ANKS1A: variants seen among roughly 807,000 people sequenced by gnomAD.
ANKS1A encodes ankyrin repeat and SAM domain-containing protein 1A.
ANKS1A carries 55 observed loss-of-function variants against 120.3 expected under a neutral mutation model. The observed-to-expected ratio is 0.46, with a 90% CI of 0.37 to 0.57. The LOEUF is 0.57. Among genes scored for constraint, ANKS1A ranks in the 20% least tolerant of loss-of-function variants. The pLI, the probability that ANKS1A is intolerant of heterozygous loss-of-function variation, is 0.00. For missense variants in ANKS1A, 1,123 were observed against 1,480.3 expected (o/e 0.76, Z 3.96); for synonymous variants, 590 against 604.7 (o/e 0.98, Z 0.36).
rs1281200587 is a variant in ANKS1A, at chr6:35,036,467, G to C, written c.2011-17632G>C. Among the ~76,000 whole-genome samples, 5 of 152,248 alleles carry C rather than the reference G, an allele frequency of 3.3e-5. No homozygotes were observed. The East Asian group carries it at 9.6e-4, about 29-fold the overall frequency. ...GGATGTGACCTACTCAGAGTCTCAC[G>C]AGACCTTTGACAGCGCCCAAACCTC... On this transcript the variant is annotated intron_variant, in intron 11 of 23. Transcript: ENST00000360359.
intron 1 of ANKS1A, among the ~76,000 whole-genome samples, chr6:34,936,104 G>A (rs112593938): frequency 0.011 from 1,648 of 151,480 alleles, 32 homozygotes; most frequent in African/African-American, 0.037. Context: ...TCCTGGTGAA[G>A]TGGTGGTGAG....
chr6:34,990,048 A>C (rs550245781), intron 9 of ANKS1A, among the ~76,000 whole-genome samples: 115 of 152,342 alleles, frequency 7.5e-4, no homozygotes, highest in African/African-American at 2.6e-3. Flanking sequence ...TTTGTAGCTC[A>C]TTCAATGCCC....
intron 11 of ANKS1A, among the ~76,000 whole-genome samples, chr6:35,025,937 C>A (rs1774604085): frequency 6.6e-6 from 1 of 152,148 alleles, no homozygotes; most frequent in Admixed American, 6.5e-5. Flanking sequence ...AGCAAGAGGG[C>A]ACCATCAAGC....
In ANKS1A at chr6:34,889,650, C is replaced by G; in HGVS notation, c.197+51C>G. ...CTGCCTGCAGACCCTTTCTCCCCCA[C>G]CCGTCTCTTGGGTCCCCAGAGAGAT... On this transcript the variant is annotated intron_variant, in intron 1 of 23. Coordinates refer to ENST00000360359, the MANE Select transcript of ANKS1A (RefSeq NM_015245.3). This position sits in a 1 kb window ranked among gnomAD's most constrained non-coding sequence, Gnocchi z 5.5. 7.9e-7 allele frequency: 1 copy of G among 1,258,506 alleles called. No homozygotes were observed. Among genetic ancestry groups the G allele is most frequent in the Non-Finnish European group, 1.0e-6 (1 of 1,002,976 alleles). 78.0% of individuals were successfully genotyped at this position (1,258,506 alleles called of 1,614,324 possible).
chr6:35,080,787 G>A (rs1777627235), intron 16 of ANKS1A, among the ~76,000 whole-genome samples: 2 of 152,108 alleles, frequency 1.3e-5, no homozygotes, highest in African/African-American at 4.8e-5. Context: ...ATGCAAAAGT[G>A]GCTTCCCCGC....
chr6:35,084,268 G>A lies in ANKS1A; in HGVS notation c.3132+10G>A, dbSNP rs1403732962. On this transcript the variant is annotated intron_variant, in intron 21 of 23. Transcript: ENST00000360359. The surrounding 1 kb of genome is among the most constrained non-coding windows in gnomAD (Gnocchi z 4.8). ...CAGCACCGTGGATGTGGTGGGTGGG[G>A]TCCTGGGGCCGGGTGGGGCAGGCTT... The A allele has an allele frequency of 2.5e-6, 4 of 1,613,538 alleles. No homozygotes were observed. The highest frequency in any genetic ancestry group is 1.3e-5 in the African/African-American group (1 of 74,950).
At chr6:34,983,057 T>G (rs1161666625) in intron 5 of ANKS1A, 56 bp from the exon 6 acceptor site, 2 of 1,553,418 alleles carry the variant, frequency 1.3e-6, no homozygotes, top group African/African-American at 2.7e-5. Flanking sequence ...TTTGACCCTT[T>G]TGGAGGCTGG....
intron 10 of ANKS1A, among the ~76,000 whole-genome samples, chr6:35,001,949 C>T (rs968781439): frequency 6.6e-6 from 1 of 152,218 alleles, no homozygotes; most frequent in Non-Finnish European, 1.5e-5. Flanking sequence ...TGTCTAAGGG[C>T]CCTGGCAGCA....
chr6:34,919,943 A>G (rs925926841), intron 1 of ANKS1A, among the ~76,000 whole-genome samples: 1 of 152,020 alleles, frequency 6.6e-6, no homozygotes, highest in Non-Finnish European at 1.5e-5. Flanking sequence ...TGCCTTTATT[A>G]TGCTATATTG....
intron 13 of ANKS1A, among the ~76,000 whole-genome samples, chr6:35,074,795 C>G (rs1268560190): frequency 6.6e-6 from 1 of 152,216 alleles, no homozygotes; most frequent in Non-Finnish European, 1.5e-5. Context: ...CTTTGGGGCT[C>G]TCTTCACCTG....
intron 10 of ANKS1A, among the ~76,000 whole-genome samples, chr6:34,996,160 T>C (rs1772844451): frequency 6.6e-6 from 1 of 152,202 alleles, no homozygotes; most frequent in African/African-American, 2.4e-5. Flanking sequence ...TGTTAGTTCA[T>C]TATGGATTTA....
At chr6:34,909,328 A>G (rs902997413) in intron 1 of ANKS1A, among the ~76,000 whole-genome samples, 5 of 152,190 alleles carry the variant, frequency 3.3e-5, no homozygotes, top group Non-Finnish European at 7.3e-5. Flanking sequence ...ATTGATGCCA[A>G]AGTCAGTGTT....
intron 12 of ANKS1A, among the ~76,000 whole-genome samples, chr6:35,056,292 T>G (rs966572075): frequency 2.0e-5 from 3 of 152,272 alleles, no homozygotes; most frequent in Admixed American, 2.0e-4. Flanking sequence ...TTTATTTTTG[T>G]TGTTGTTGTT....
intron 11 of ANKS1A, chr6:35,039,537 T>C: frequency 2.2e-6 from 1 of 456,306 alleles, no homozygotes; most frequent in Non-Finnish European, 4.4e-6. Flanking sequence ...TGATAAAAAG[T>C]TGACAGCTTT....
intron 11 of ANKS1A, among the ~76,000 whole-genome samples, chr6:35,020,166 G>A (rs1774259009): frequency 6.6e-6 from 1 of 152,164 alleles, no homozygotes; most frequent in Non-Finnish European, 1.5e-5. Flanking sequence ...AGTACAGCCA[G>A]CCCTCCATAT....
intron 11 of ANKS1A, among the ~76,000 whole-genome samples, chr6:35,020,541 G>A (rs969818825): frequency 6.6e-6 from 1 of 152,174 alleles, no homozygotes; most frequent in African/African-American, 2.4e-5. Flanking sequence ...CCAGTCTAAT[G>A]AATCACCTCT....
chr6:34,910,429 A>G (rs369889448), intron 1 of ANKS1A, among the ~76,000 whole-genome samples: 16 of 152,072 alleles, frequency 1.1e-4, no homozygotes, highest in African/African-American at 3.6e-4. Context: ...GCCAGATGTG[A>G]TGGTCCCTGC....
At chr6:35,070,146 C>T (rs1777007346) in intron 13 of ANKS1A, among the ~76,000 whole-genome samples, 2 of 152,106 alleles carry the variant, frequency 1.3e-5, no homozygotes, top group South Asian at 4.2e-4. Context: ...AACCATTGCA[C>T]CTGGCCCTAC....
chr6:35,089,064 G>A lies in ANKS1A; in HGVS notation c.*455G>A, dbSNP rs558922350. The A allele has an allele frequency of 4.4e-5, 47 of 1,059,566 alleles. No individual in the cohort carries two copies. In the South Asian group the frequency reaches 5.5e-4, roughly 12 times the overall value. 65.6% of individuals were successfully genotyped at this position (1,059,566 alleles called of 1,614,324 possible). On this transcript the variant is annotated 3_prime_UTR_variant, in exon 24 of 24. Coordinates refer to ENST00000360359, the MANE Select transcript of ANKS1A (RefSeq NM_015245.3). ...GAACTTGGGTGCAGCTCAGTGGGTC[G>A]GAAGAGAAGGCGGTGGCCTGTGGGT...
Sources: gnomAD v4.1 joint callset for allele counts (sites outside exome capture counted in the v4.1 genomes callset) on GRCh38, gnomAD v4.1.1 for gene constraint, Gnocchi (gnomAD v3.1) non-coding constraint, MANE v1.5 for transcripts, NCBI Gene and HGNC (gene_info 2026-07-23, HGNC 2026-07-21) for gene names.